Variants in MIR2052HG observed in about 807,000 individuals in gnomAD.
The protein encoded by MIR2052HG is MIR2052 host gene.
At chr8:74,657,043 A>G (rs1808814419) in intron 2 of MIR2052HG, among the ~76,000 whole-genome samples, 1 of 152,208 alleles carries the variant, frequency 6.6e-6, no homozygotes, top group Non-Finnish European at 1.5e-5. Context: ...TCTATAGGGT[A>G]CTGCAAAGAT....
chr8:74,691,693 G>C (rs1809241238), intron 2 of MIR2052HG, among the ~76,000 whole-genome samples: 1 of 152,130 alleles, frequency 6.6e-6, no homozygotes, highest in Non-Finnish European at 1.5e-5. Flanking sequence ...GAGAATATGA[G>C]GTGGCATATA....
intron 2 of MIR2052HG, among the ~76,000 whole-genome samples, chr8:74,653,731 A>G (rs28408786): frequency 0.02 from 3,066 of 152,322 alleles, 89 homozygotes; most frequent in African/African-American, 0.069. Flanking sequence ...CAACATTTCA[A>G]TAGAAGTAAA....
chr8:74,680,124 A>G lies in MIR2052HG; in HGVS notation n.217-22255A>G, dbSNP rs373100507. Among the ~76,000 whole-genome samples the G allele has an allele frequency of 4.6e-5, 7 of 152,346 alleles. No individual in the cohort carries two copies. In the East Asian group the frequency reaches 1.2e-3, roughly 25 times the overall value. On this transcript the variant is annotated intron_variant and non_coding_transcript_variant, in intron 2 of 6. Coordinates refer to ENST00000523442, the Ensembl canonical transcript of MIR2052HG. ...ATGCTGTTTAGATATGGTAAAATCT[A>G]TATAGAAAAGTAAATTACATTTTAC...
intron 2 of MIR2052HG, among the ~76,000 whole-genome samples, chr8:74,641,286 C>T (rs546192823): frequency 1.8e-4 from 28 of 152,122 alleles, no homozygotes; most frequent in African/African-American, 6.5e-4. Context: ...GGTGCATTTG[C>T]GGCCATGTAC....
At chr8:74,600,066 A>G (rs1487860649) in intron 1 of MIR2052HG, among the ~76,000 whole-genome samples, 17 of 152,104 alleles carry the variant, frequency 1.1e-4, no homozygotes, top group Non-Finnish European at 5.9e-5. Context: ...AAGTGAGGCA[A>G]TGCCTCGCCG....
At chr8:74,661,306 G>C (rs567884595) in intron 2 of MIR2052HG, among the ~76,000 whole-genome samples, 1 of 151,394 alleles carries the variant, frequency 6.6e-6, no homozygotes, top group East Asian at 2.0e-4. Flanking sequence ...AGGTTCAAGC[G>C]ATTCTCCTGC....
At chr8:74,730,342 C>T (rs952896799) in intron 4 of MIR2052HG, among the ~76,000 whole-genome samples, 1 of 152,118 alleles carries the variant, frequency 6.6e-6, no homozygotes, top group Non-Finnish European at 1.5e-5. Context: ...GCTATAACAA[C>T]TTAAGTGTTA....
At chr8:74,680,345 T>C (rs1809109250) in intron 2 of MIR2052HG, among the ~76,000 whole-genome samples, 1 of 151,754 alleles carries the variant, frequency 6.6e-6, no homozygotes, top group Admixed American at 6.6e-5. Flanking sequence ...AATGTCACAA[T>C]GAACTCAAAC....
At chr8:74,673,412 G>A (rs1050283747) in intron 2 of MIR2052HG, among the ~76,000 whole-genome samples, 1 of 151,976 alleles carries the variant, frequency 6.6e-6, no homozygotes, top group Non-Finnish European at 1.5e-5. Context: ...GATAGATCAC[G>A]ATTTGCTCTA....
At chr8:74,673,641 T>G (rs772957539) in intron 2 of MIR2052HG, among the ~76,000 whole-genome samples, 31 of 152,062 alleles carry the variant, frequency 2.0e-4, no homozygotes, top group Admixed American at 1.3e-3. Context: ...CATCAATTCC[T>G]GGTCTTGGGC....
rs796668051 is a variant in MIR2052HG, at chr8:74,673,906, T to TATATATATATAC, written n.217-28468_217-28467insTATATACATATA. 4.3e-5 allele frequency among the ~76,000 whole-genome samples: 6 copies of TATATATATATAC among 138,298 alleles called. No individual in the cohort carries two copies. The South Asian group carries it at 6.6e-4, about 15-fold the overall frequency. 90.7% of individuals were successfully genotyped at this position (138,298 alleles called of 152,430 possible). ...TTTTTTGTATATATATATATATATATATATACACACACAAAATATCTATCT... is the reference window on the plus strand; with the variant it reads ...TTTTTTGTATATATATATATATATATATATATATATACATATACACACACAAAATATCTATCT... On this transcript the variant is annotated intron_variant and non_coding_transcript_variant, in intron 2 of 6. Coordinates refer to ENST00000523442, the Ensembl canonical transcript of MIR2052HG.
At chr8:74,696,923 C>G (rs1268583804) in intron 2 of MIR2052HG, among the ~76,000 whole-genome samples, 1 of 151,816 alleles carries the variant, frequency 6.6e-6, no homozygotes, top group Non-Finnish European at 1.5e-5. Flanking sequence ...CCTTTTGACA[C>G]TATTCCACGA....
intron 2 of MIR2052HG, among the ~76,000 whole-genome samples, chr8:74,650,756 A>G (rs1808743217): frequency 6.6e-6 from 1 of 152,154 alleles, no homozygotes; most frequent in African/African-American, 2.4e-5. Context: ...GTTTTAAGTC[A>G]CAGGTTAACA....
At chr8:74,619,576 A>G (rs1190966771) in intron 2 of MIR2052HG, among the ~76,000 whole-genome samples, 1 of 152,200 alleles carries the variant, frequency 6.6e-6, no homozygotes, top group African/African-American at 2.4e-5. Context: ...AAGCAGGCAC[A>G]TTCTTCACAG....
At chr8:74,694,945 C>A (rs1024119787) in intron 2 of MIR2052HG, among the ~76,000 whole-genome samples, 1 of 152,058 alleles carries the variant, frequency 6.6e-6, no homozygotes, top group South Asian at 2.1e-4. Context: ...TGCTAGAGAC[C>A]TGGACATCCA....
At chr8:74,722,927 C>T (rs1398506321) in intron 4 of MIR2052HG, among the ~76,000 whole-genome samples, 2 of 152,306 alleles carry the variant, frequency 1.3e-5, no homozygotes, top group Non-Finnish European at 2.9e-5. Context: ...ACTTCATGCT[C>T]TGGAGATCTT....
chr8:74,723,481 T>G (rs900750498), intron 4 of MIR2052HG, among the ~76,000 whole-genome samples: 11 of 152,156 alleles, frequency 7.2e-5, no homozygotes, highest in Admixed American at 6.6e-4. Context: ...TTTCACTATT[T>G]CTACTCCTTC....
intron 1 of MIR2052HG, chr8:74,603,184 CA>C: frequency 1.1e-6 from 1 of 883,704 alleles, no homozygotes; most frequent in Non-Finnish European, 1.9e-6. Flanking sequence ...TGAAAATTTA[CA>C]AACTATTTAA....
At chr8:74,664,257 C>G (rs1586907364) in intron 2 of MIR2052HG, among the ~76,000 whole-genome samples, 1 of 151,448 alleles carries the variant, frequency 6.6e-6, no homozygotes, top group East Asian at 1.9e-4. Flanking sequence ...ACTGCATGTA[C>G]CCCAAAAGGG....
Sources: gnomAD v4.1 joint callset for allele counts (sites outside exome capture counted in the v4.1 genomes callset) on GRCh38, gnomAD v4.1.1 for gene constraint, MANE v1.5 for transcripts, NCBI Gene and HGNC (gene_info 2026-07-23, HGNC 2026-07-21) for gene names.